TNN: variants seen among roughly 807,000 people sequenced by gnomAD.
TNN encodes tenascin-N.
TNN carries 122 observed loss-of-function variants against 134.4 expected under a neutral mutation model. That is an observed-to-expected ratio of 0.91 (90% CI 0.78 to 1.06). The LOEUF (loss-of-function observed/expected upper bound fraction) is 1.06. TNN is among the 50% of genes least tolerant of loss of function. The probability of loss-of-function intolerance (pLI) is 0.00; values close to 1 mark genes in which losing one functional copy is unlikely to be tolerated. For missense variants in TNN, 1,739 were observed against 1,699.4 expected (o/e 1.02, Z -0.41); for synonymous variants, 710 against 670.3 (o/e 1.06, Z -0.91).
intron 11 of TNN, among the ~76,000 whole-genome samples, chr1:175,122,963 C>T (rs1298450241): frequency 2.6e-5 from 4 of 152,168 alleles, no homozygotes; most frequent in Non-Finnish European, 4.4e-5. Flanking sequence ...AGGAACTTGG[C>T]CTAGACCTTC....
chr1:175,098,701 G>A (rs755092399), intron 9 of TNN, 106 bp downstream of exon 9: 139 of 1,511,308 alleles, frequency 9.2e-5, no homozygotes, highest in Non-Finnish European at 1.2e-4. Flanking sequence ...GGAAGAGCAG[G>A]TTGGTATCCT....
intron 13 of TNN, 84 bp from the exon 14 acceptor site, chr1:175,127,948 C>T (rs1675572428): frequency 1.3e-6 from 2 of 1,522,944 alleles, no homozygotes; most frequent in South Asian, 2.3e-5. Context: ...CTGTCATTAG[C>T]ACCAGGGAAC....
At chr1:175,108,741 G>A (rs997536227) in intron 9 of TNN, among the ~76,000 whole-genome samples, 15 of 151,770 alleles carry the variant, frequency 9.9e-5, no homozygotes, top group South Asian at 2.1e-4. Context: ...AGGGCTGGCC[G>A]GCTGCTCTGA....
chr1:175,105,637 C>T (rs184138919), intron 9 of TNN, among the ~76,000 whole-genome samples: 1 of 145,576 alleles, frequency 6.9e-6, no homozygotes. Flanking sequence ...TTGTGCTTCC[C>T]TCAGGTGGCC....
chr1:175,104,360 T>C (rs1674799757), intron 9 of TNN, among the ~76,000 whole-genome samples: 1 of 146,018 alleles, frequency 6.8e-6, no homozygotes, highest in Admixed American at 6.9e-5. Flanking sequence ...TTGGATCATC[T>C]GGTTGGGGGC....
intron 9 of TNN, among the ~76,000 whole-genome samples, chr1:175,114,039 T>A (rs1484197814): frequency 1.3e-5 from 2 of 152,218 alleles, no homozygotes; most frequent in Non-Finnish European, 2.9e-5. Context: ...ATTCCTTTTC[T>A]GACAATGTAT....
chr1:175,085,371 G>C, intron 5 of TNN, 34 bp from the exon 6 acceptor site: 1 of 1,387,094 alleles, frequency 7.2e-7, no homozygotes, highest in Non-Finnish European at 1.0e-6. Flanking sequence ...TCTGGAGCCT[G>C]CACTCACATC....
chr1:175,142,737 C>T (rs1403996178), intron 17 of TNN, among the ~76,000 whole-genome samples: 1 of 152,144 alleles, frequency 6.6e-6, no homozygotes, highest in East Asian at 1.9e-4. Flanking sequence ...TCTGCCTCAG[C>T]CTCCAGAGTA....
intron 11 of TNN, among the ~76,000 whole-genome samples, chr1:175,121,676 T>A (rs1675380318): frequency 6.8e-6 from 1 of 147,836 alleles, no homozygotes; most frequent in Non-Finnish European, 1.5e-5. Context: ...GAAGAGGGGA[T>A]GTCTGGAATA....
At chr1:175,119,914 A>G (rs1014608917) in intron 11 of TNN, among the ~76,000 whole-genome samples, 1 of 152,342 alleles carries the variant, frequency 6.6e-6, no homozygotes, top group Non-Finnish European at 1.5e-5. Flanking sequence ...CTGGGATTAC[A>G]GGCATGAGCC....
chr1:175,087,827 C>A (rs1674353241), intron 6 of TNN, among the ~76,000 whole-genome samples: 1 of 152,352 alleles, frequency 6.6e-6, no homozygotes, highest in African/African-American at 2.4e-5. Context: ...GACCAATCAG[C>A]TAGAAATTGG....
chr1:175,085,027 C>T (rs1000802517), intron 5 of TNN, among the ~76,000 whole-genome samples: 2 of 152,084 alleles, frequency 1.3e-5, no homozygotes, highest in African/African-American at 4.8e-5. Flanking sequence ...GGCTAAATGT[C>T]ACAATGAGAA....
chr1:175,117,925 G>C (rs774893072), intron 10 of TNN, among the ~76,000 whole-genome samples: 1 of 152,174 alleles, frequency 6.6e-6, no homozygotes, highest in Non-Finnish European at 1.5e-5. Context: ...ACCATATTTT[G>C]TACAGTGATT....
chr1:175,076,296 C>T (rs1574138444), intron 1 of TNN, among the ~76,000 whole-genome samples: 2 of 152,194 alleles, frequency 1.3e-5, no homozygotes, highest in Non-Finnish European at 2.9e-5. Flanking sequence ...GCTTGACTGA[C>T]AAACCAGGCC....
In TNN at chr1:175,079,667, C is replaced by T. The variant is rs768862831; in HGVS notation, c.744C>T (p.Cys248=). 6.2e-7 allele frequency: 1 copy of T among 1,608,692 alleles called. No homozygotes were observed. The highest frequency in any genetic ancestry group is 2.2e-5 in the East Asian group (1 of 44,804). Reference sequence around the variant, plus strand: ...ACGGCTTCTGTGACACGGGCGAGTGCTACTGCGAGGAGGGCTTCACAGGCC... The same window carrying T: ...ACGGCTTCTGTGACACGGGCGAGTGTTACTGCGAGGAGGGCTTCACAGGCC... ...SGHGFCDTGE[C]YCEEGFTGLD... is the part of the protein sequence containing the mutation. The change falls in exon 3 of 19, where the codon TGC becomes TGT. Residue 248 remains cysteine (C), a synonymous_variant. Transcript: ENST00000239462.
chr1:175,083,541 GAC>G (rs1374504440), intron 4 of TNN, among the ~76,000 whole-genome samples: 1 of 152,188 alleles, frequency 6.6e-6, no homozygotes, highest in Non-Finnish European at 1.5e-5. Context: ...TTTCCCAAAA[GAC>G]AGTCTGCCCA....
chr1:175,100,226 G>C (rs1213773425), intron 9 of TNN, among the ~76,000 whole-genome samples: 1 of 152,210 alleles, frequency 6.6e-6, no homozygotes, highest in East Asian at 1.9e-4. Flanking sequence ...CTTTGCTGCA[G>C]AGGTCTATCT....
chr1:175,098,517 G>A lies in TNN; in HGVS notation c.2041G>A (p.Gly681Ser), dbSNP rs760229811. Residue 681 changes from glycine (G) to serine (S), a missense_variant, in exon 9 of 19, where the codon GGT becomes AGT. By Grantham distance (56) the Gly-to-Ser change is moderately conservative. Coordinates refer to ENST00000239462, the MANE Select transcript of TNN (RefSeq NM_022093.2). Reference protein sequence around the residue: ...SSTVLTGLRPGMEYMVHVWAQ... With the variant: ...SSTVLTGLRPSMEYMVHVWAQ... ...CACAGTCCTGACAGGCCTGAGACCG[G>A]GTATGGAGTACATGGTGCACGTGTG... 2.5e-6 allele frequency: 4 copies of A among 1,614,050 alleles called. No homozygotes were observed. The highest frequency in any genetic ancestry group is 2.5e-6 in the Non-Finnish European group (3 of 1,180,050).
Position 175,098,498 on chromosome 1 carries a change from C to CCTGACA in TNN, c.2023_2028dup (p.Leu675_Thr676dup). 6.2e-7 allele frequency: 1 copy of CCTGACA among 1,614,126 alleles called. No homozygotes were observed. Among genetic ancestry groups the CCTGACA allele is most frequent in the Non-Finnish European group, 8.5e-7 (1 of 1,180,034 alleles). ...TGGGGAAGGAGCAGAGCAGCACAGT[C>CCTGACA]CTGACAGGCCTGAGACCGGGTATGG... On this transcript the variant is annotated inframe_insertion, in exon 9 of 19. Coordinates refer to ENST00000239462, the MANE Select transcript of TNN (RefSeq NM_022093.2).
Sources: gnomAD v4.1 joint callset for allele counts (sites outside exome capture counted in the v4.1 genomes callset) on GRCh38, gnomAD v4.1.1 for gene constraint, MANE v1.5 for transcripts, NCBI Gene and HGNC (gene_info 2026-07-23, HGNC 2026-07-21) for gene names.